CAMK2D: variants seen among roughly 807,000 people sequenced by gnomAD.
The protein encoded by CAMK2D is calcium/calmodulin dependent protein kinase II delta.
CAMK2D carries 37 observed loss-of-function variants against 84.0 expected under a neutral mutation model. The ratio of observed to expected loss-of-function variants is 0.44; its 90% CI spans 0.34 to 0.58. The LOEUF is 0.58. CAMK2D is among the 20% of genes least tolerant of loss of function. The pLI is 0.02. For missense variants in CAMK2D, 448 were observed against 652.5 expected (o/e 0.69, Z 3.41); for synonymous variants, 202 against 212.5 (o/e 0.95, Z 0.43).
intron 8 of CAMK2D, among the ~76,000 whole-genome samples, chr4:113,530,593 G>C (rs2098451510): frequency 6.6e-6 from 1 of 152,144 alleles, no homozygotes; most frequent in African/African-American, 2.4e-5. Context: ...AGGAAAGTGA[G>C]GTCTTTGGTA....
At chr4:113,647,365 T>C (rs2099156160) in intron 3 of CAMK2D, among the ~76,000 whole-genome samples, 1 of 152,264 alleles carries the variant, frequency 6.6e-6, no homozygotes, top group African/African-American at 2.4e-5. Flanking sequence ...AGATTTGTCC[T>C]TTACTTAAGA....
intron 1 of CAMK2D, among the ~76,000 whole-genome samples, chr4:113,760,043 A>T (rs2099637203): frequency 6.6e-6 from 1 of 152,204 alleles, no homozygotes; most frequent in African/African-American, 2.4e-5. Flanking sequence ...CTTTCCTTTA[A>T]TTACAGTATA....
At chr4:113,688,225 C>A (rs1032935615) in intron 2 of CAMK2D, among the ~76,000 whole-genome samples, 9 of 152,144 alleles carry the variant, frequency 5.9e-5, no homozygotes, top group Non-Finnish European at 1.3e-4. Context: ...GATTATGTAT[C>A]TGCCAAACGT....
intron 6 of CAMK2D, among the ~76,000 whole-genome samples, chr4:113,546,829 G>A (rs1297082277): frequency 6.6e-6 from 1 of 152,148 alleles, no homozygotes; most frequent in East Asian, 1.9e-4. Flanking sequence ...AAACTAGAGT[G>A]CTGGGAAATG....
At chr4:113,743,940 A>C (rs993044193) in intron 2 of CAMK2D, among the ~76,000 whole-genome samples, 24 of 151,958 alleles carry the variant, frequency 1.6e-4, no homozygotes, top group African/African-American at 4.8e-4. Context: ...TTCCAGGTTC[A>C]TGCCATTCTC....
intron 13 of CAMK2D, 75 bp downstream of exon 13, chr4:113,509,563 G>GAATT: frequency 1.0e-6 from 1 of 953,164 alleles, no homozygotes; most frequent in Admixed American, 1.9e-5. Flanking sequence ...AAAGACTTAG[G>GAATT]AATTATATAT....
At chr4:113,673,669 T>C (rs1245108904) in intron 2 of CAMK2D, among the ~76,000 whole-genome samples, 1 of 152,196 alleles carries the variant, frequency 6.6e-6, no homozygotes, top group Non-Finnish European at 1.5e-5. Flanking sequence ...CTTACAGCTC[T>C]TCTCTAAAAG....
intron 2 of CAMK2D, among the ~76,000 whole-genome samples, chr4:113,685,195 C>A (rs141955356): frequency 1.6e-3 from 243 of 151,916 alleles, no homozygotes; most frequent in Admixed American, 3.6e-3. Flanking sequence ...TTGATACCAC[C>A]TTATATCATT....
intron 2 of CAMK2D, among the ~76,000 whole-genome samples, chr4:113,710,719 A>C (rs1271368680): frequency 6.6e-6 from 1 of 152,164 alleles, no homozygotes; most frequent in Non-Finnish European, 1.5e-5. Context: ...TGCCACTACA[A>C]CTTCAGCAGC....
At chr4:113,510,829 A>AGAT (rs1306734564) in intron 12 of CAMK2D, among the ~76,000 whole-genome samples, 1 of 151,458 alleles carries the variant, frequency 6.6e-6, no homozygotes, top group African/African-American at 2.4e-5. Context: ...TTTACTTAAA[A>AGAT]GATACAAAAA....
At position 113,478,921 on chromosome 4, in the gene CAMK2D, A is replaced by T. The variant is rs192245664; in HGVS notation, c.1136-13317T>A. 4.3e-3 allele frequency among the ~76,000 whole-genome samples: 654 copies of T among 152,232 alleles called. 3 individuals are homozygous for T. The highest frequency in any genetic ancestry group is 6.8e-3 in the Non-Finnish European group (463 of 67,978). On this transcript the variant is annotated intron_variant, in intron 16 of 20. Coordinates refer to ENST00000511664, the MANE Select transcript of CAMK2D (RefSeq NM_001321571.2). ...AAATTTGAAAACACATAATGGTATA[A>T]GTTTTTGTCTATTATCCCAACTTTT... is the stretch of plus-strand genomic sequence containing the variant.
intron 2 of CAMK2D, among the ~76,000 whole-genome samples, chr4:113,682,600 T>C (rs970244328): frequency 6.6e-6 from 1 of 152,062 alleles, no homozygotes; most frequent in African/African-American, 2.4e-5. Context: ...CTTCCTTCTT[T>C]CTCCTCTACT....
chr4:113,476,492 G>A (rs1023164647), intron 16 of CAMK2D, among the ~76,000 whole-genome samples: 1 of 152,102 alleles, frequency 6.6e-6, no homozygotes, highest in Non-Finnish European at 1.5e-5. Flanking sequence ...AACTATGGGA[G>A]AAATTTACTT....
intron 3 of CAMK2D, among the ~76,000 whole-genome samples, chr4:113,651,689 A>G (rs1232524249): frequency 6.6e-6 from 1 of 152,154 alleles, no homozygotes; most frequent in African/African-American, 2.4e-5. Flanking sequence ...TTTGTCATAC[A>G]TTGTACAAAT....
intron 16 of CAMK2D, among the ~76,000 whole-genome samples, chr4:113,489,463 C>T (rs149203825): frequency 0.067 from 10,226 of 152,002 alleles, 600 homozygotes; most frequent in East Asian, 0.21. Flanking sequence ...CTACAAAGGA[C>T]ATGAACTCAT....
chr4:113,542,671 C>T (rs2098538455), intron 6 of CAMK2D, among the ~76,000 whole-genome samples: 2 of 151,202 alleles, frequency 1.3e-5, no homozygotes, highest in Admixed American at 6.6e-5. Flanking sequence ...GCTGAGATCG[C>T]GCCACTGCCC....
intron 16 of CAMK2D, among the ~76,000 whole-genome samples, chr4:113,477,228 G>A (rs573455674): frequency 5.3e-5 from 8 of 152,236 alleles, no homozygotes; most frequent in African/African-American, 1.7e-4. Flanking sequence ...GATAAGACTC[G>A]TAGGCCCAAG....
intron 16 of CAMK2D, among the ~76,000 whole-genome samples, chr4:113,471,237 C>A (rs916874): frequency 0.78 from 118,543 of 152,012 alleles, 47,304 homozygotes; most frequent in African/African-American, 0.95. Flanking sequence ...ATGGATCATT[C>A]TTTTTCCTTA....
Position 113,632,685 on chromosome 4 carries a change from T to G in CAMK2D, c.221-23479A>C, listed in dbSNP as rs547424642. 2.0e-5 allele frequency among the ~76,000 whole-genome samples: 3 copies of G among 152,242 alleles called. No individual in the cohort carries two copies. The South Asian group carries it at 6.2e-4, about 32-fold the overall frequency. On this transcript the variant is annotated intron_variant, in intron 3 of 20. Transcript: ENST00000511664. ...TAATAATATTCATATGACCTGTAAG[T>G]CATTGTCCTGTCATACTATTATACA...
Sources: gnomAD v4.1 joint callset for allele counts (sites outside exome capture counted in the v4.1 genomes callset) on GRCh38, gnomAD v4.1.1 for gene constraint, MANE v1.5 for transcripts, NCBI Gene and HGNC (gene_info 2026-07-23, HGNC 2026-07-21) for gene names.